PLCG2: variants seen among roughly 807,000 people sequenced by gnomAD.
PLCG2 encodes the protein phospholipase C gamma 2.
In PLCG2, 69 loss-of-function variants were observed where a neutral mutation model predicts 175.6. The observed-to-expected ratio is 0.39, with a 90% confidence interval of 0.32 to 0.48. The LOEUF (loss-of-function observed/expected upper bound fraction) is 0.48, where lower values mean the gene tolerates loss of function less well. Ranked by LOEUF, PLCG2 falls within the 20% of genes least tolerant of loss-of-function variation. The probability of loss-of-function intolerance (pLI) is 0.91; values close to 1 mark genes in which losing one functional copy is unlikely to be tolerated. For missense variants in PLCG2, 1,798 were observed against 1,650.9 expected, an observed-to-expected ratio of 1.09 and a Z score of -1.54; for synonymous variants, 827 against 624.0, an observed-to-expected ratio of 1.33 and a Z score of -4.85.
intron 3 of PLCG2, among the ~76,000 whole-genome samples, chr16:81,857,735 G>T (rs988324820): frequency 6.6e-6 from 1 of 152,156 alleles, no homozygotes; most frequent in Admixed American, 6.5e-5. Flanking sequence ...TACCTCAGGG[G>T]TTAGAGATTC....
chr16:81,800,094 A>G (rs1911655680), intron 2 of PLCG2, among the ~76,000 whole-genome samples: 1 of 152,212 alleles, frequency 6.6e-6, no homozygotes, highest in African/African-American at 2.4e-5. Flanking sequence ...TACCTATTAC[A>G]CTGGACTCTC....
At chr16:81,946,381 A>G in intron 31 of PLCG2, 118 bp downstream of exon 31, 2 of 722,644 alleles carry the variant, frequency 2.8e-6, no homozygotes, top group Non-Finnish European at 5.0e-6. Context: ...GTCTAGCCCA[A>G]GCATGAGACA....
At chr16:81,813,471 TTGTC>T (rs1334528118) in intron 2 of PLCG2, among the ~76,000 whole-genome samples, 1 of 152,224 alleles carries the variant, frequency 6.6e-6, no homozygotes, top group East Asian at 1.9e-4. Flanking sequence ...AGCTCTGTGT[TTGTC>T]TGTCATGGTG....
intron 2 of PLCG2, among the ~76,000 whole-genome samples, chr16:81,811,428 G>C (rs1904320711): frequency 6.6e-6 from 1 of 152,114 alleles, no homozygotes; most frequent in Admixed American, 6.6e-5. Flanking sequence ...AGAAGATGAT[G>C]GATTCCCTAG....
At chr16:81,949,518 G>A (rs1597152797) in intron 31 of PLCG2, among the ~76,000 whole-genome samples, 2 of 152,102 alleles carry the variant, frequency 1.3e-5, no homozygotes, top group Admixed American at 6.5e-5. Context: ...TCCAGCCCCC[G>A]ACATGTCAAG....
intron 9 of PLCG2, among the ~76,000 whole-genome samples, chr16:81,884,497 C>T (rs893617452): frequency 6.6e-6 from 1 of 152,116 alleles, no homozygotes; most frequent in African/African-American, 2.4e-5. Flanking sequence ...GCACAGCCAC[C>T]GACAGGTGGT....
At chr16:81,778,632 C>G (rs1308613559), upstream of PLCG2, among the ~76,000 whole-genome samples, 2 of 152,122 alleles carry the variant, frequency 1.3e-5, no homozygotes, top group Non-Finnish European at 1.5e-5. Context: ...CCCTTTGGGG[C>G]TGGCACTATG....
chr16:81,856,623 G>C (rs1906695701), intron 3 of PLCG2, among the ~76,000 whole-genome samples: 1 of 152,148 alleles, frequency 6.6e-6, no homozygotes. Flanking sequence ...AGTTAGCATA[G>C]GGTTAAAAGC....
intron 31 of PLCG2, among the ~76,000 whole-genome samples, chr16:81,952,756 T>C (rs1460731337): frequency 6.6e-6 from 1 of 152,092 alleles, no homozygotes; most frequent in Non-Finnish European, 1.5e-5. Context: ...ATGAGGGAAC[T>C]AGAAAATCAC....
chr16:81,783,441 C>G (rs113601134), intron 1 of PLCG2, among the ~76,000 whole-genome samples: 1 of 152,148 alleles, frequency 6.6e-6, no homozygotes, highest in Non-Finnish European at 1.5e-5. Flanking sequence ...TGTGTGACCT[C>G]GGATAAGTCC....
At chr16:81,829,780 C>G (rs138287889) in intron 2 of PLCG2, among the ~76,000 whole-genome samples, 1 of 152,306 alleles carries the variant, frequency 6.6e-6, no homozygotes, top group Non-Finnish European at 1.5e-5. Flanking sequence ...CTCTCTCCTG[C>G]TGGGCATTTG....
intron 1 of PLCG2, among the ~76,000 whole-genome samples, chr16:81,746,277 G>A (rs1411929194): frequency 6.6e-6 from 1 of 152,194 alleles, no homozygotes; most frequent in Non-Finnish European, 1.5e-5. Context: ...GTGGGGGTCC[G>A]CCGCCGCCAC....
At chr16:81,889,897 A>C (rs999908690) in intron 10 of PLCG2, among the ~76,000 whole-genome samples, 1 of 152,094 alleles carries the variant, frequency 6.6e-6, no homozygotes, top group African/African-American at 2.4e-5. Flanking sequence ...CCTTGTGATC[A>C]GCCCGCCTCA....
At position 81,941,788 on chromosome 16, in the gene PLCG2, A is replaced by C. The variant is rs147654781; in HGVS notation, c.3481+1729A>C. 3.5e-3 allele frequency among the ~76,000 whole-genome samples: 535 copies of C among 151,370 alleles called. 1 individual carries two copies. The highest frequency in any genetic ancestry group is 0.012 in the African/African-American group (504 of 41,146). On this transcript the variant is annotated intron_variant, in intron 30 of 32. Transcript: ENST00000564138. ...CTCGGCTCACTGTAACCTCTGCCTC[A>C]GCCTCCTCAGTAGCTGGGACTACAG...
chr16:81,757,823 C>A (rs1019897245), intron 2 of PLCG2, among the ~76,000 whole-genome samples: 1 of 152,014 alleles, frequency 6.6e-6, no homozygotes, highest in African/African-American at 2.4e-5. Context: ...CCCTATACCC[C>A]CTTCCCCCAC....
intron 7 of PLCG2, among the ~76,000 whole-genome samples, chr16:81,879,871 G>T (rs1313483519): frequency 1.3e-5 from 2 of 152,164 alleles, no homozygotes; most frequent in African/African-American, 4.8e-5. Flanking sequence ...CAGTTGGCAC[G>T]GCAGTGGGCT....
At chr16:81,919,721 A>G (rs1771912669) in intron 20 of PLCG2, 57 bp downstream of exon 20, 2 of 1,457,812 alleles carry the variant, frequency 1.4e-6, no homozygotes, top group South Asian at 1.2e-5. Context: ...GTTGTAACTC[A>G]TCTGTTCATG....
chr16:81,812,792 T>C (rs1335899960), intron 2 of PLCG2, among the ~76,000 whole-genome samples: 1 of 152,010 alleles, frequency 6.6e-6, no homozygotes, highest in African/African-American at 2.4e-5. Flanking sequence ...TTTTCTAGGG[T>C]TTTTTATGGT....
chr16:81,907,815 G>A, intron 16 of PLCG2, 41 bp downstream of exon 16: 1 of 1,470,452 alleles, frequency 6.8e-7, no homozygotes, highest in Non-Finnish European at 9.5e-7. Context: ...AGGTCCCCAG[G>A]AACCCCGAGG....
Sources: gnomAD v4.1 joint callset for allele counts (sites outside exome capture counted in the v4.1 genomes callset) on GRCh38, gnomAD v4.1.1 for gene constraint, MANE v1.5 for transcripts, NCBI Gene and HGNC (gene_info 2026-07-23, HGNC 2026-07-21) for gene names.